The following P3H2 variants were observed in gnomAD, a reference collection of about 807,000 sequenced individuals.
P3H2 encodes prolyl 3-hydroxylase 2, also known as leprecan-like 1.
A neutral mutation model predicts 87.0 loss-of-function variants in P3H2; 80 were observed. The ratio of observed to expected loss-of-function variants is 0.92; its 90% CI spans 0.77 to 1.11. The LOEUF (loss-of-function observed/expected upper bound fraction) is 1.11, where lower values mean the gene tolerates loss of function less well. P3H2 is among the 50% of genes least tolerant of loss of function. The probability of loss-of-function intolerance (pLI) is 0.00; values close to 1 mark genes in which losing one functional copy is unlikely to be tolerated. For missense variants in P3H2, 1,001 were observed against 923.9 expected, an observed-to-expected ratio of 1.08 and a Z score of -1.08; for synonymous variants, 367 against 359.3, an observed-to-expected ratio of 1.02 and a Z score of -0.24.
chr3:189,982,788 T>C (rs1723576420), intron 8 of P3H2, among the ~76,000 whole-genome samples: 2 of 152,198 alleles, frequency 1.3e-5, no homozygotes, highest in Non-Finnish European at 2.9e-5. Flanking sequence ...ACCATGCAAG[T>C]TTCCTTGGGA....
chr3:190,045,515 AAG>A (rs1302898723), intron 1 of P3H2, among the ~76,000 whole-genome samples: 1 of 152,114 alleles, frequency 6.6e-6, no homozygotes, highest in Non-Finnish European at 1.5e-5. Flanking sequence ...GTATGACAGA[AAG>A]AGAGAGAGAC....
intron 1 of P3H2, among the ~76,000 whole-genome samples, chr3:190,049,922 T>C (rs1001081355): frequency 3.3e-5 from 5 of 152,212 alleles, no homozygotes; most frequent in African/African-American, 9.6e-5. Flanking sequence ...GCTTTCTTTA[T>C]TGTGGAACTT....
At chr3:189,985,112 C>A (rs1723648648) in intron 6 of P3H2, among the ~76,000 whole-genome samples, 1 of 151,542 alleles carries the variant, frequency 6.6e-6, no homozygotes. Context: ...TTAAAATTAA[C>A]CCATTTTAAA....
In P3H2 at chr3:190,066,184, T is replaced by C. The variant is rs559929062; in HGVS notation, c.480+54068A>G. ...ACACACACACACACACACACATATATACACACATATATATATGATGGAATA... is the reference window on the plus strand; with the variant it reads ...ACACACACACACACACACACATATACACACACATATATATATGATGGAATA... On this transcript the variant is annotated intron_variant, in intron 1 of 14. Transcript: ENST00000319332. 5.6e-4 allele frequency among the ~76,000 whole-genome samples: 75 copies of C among 134,510 alleles called. 1 individual carries two copies. The East Asian group carries it at 6.0e-3, about 11-fold the overall frequency. 88.2% of individuals were successfully genotyped at this position (134,510 alleles called of 152,430 possible). A position where few individuals can be genotyped will look rare whatever the true frequency, so the allele number is the denominator to read the frequency against.
At chr3:190,023,487 G>C (rs1486211207) in intron 1 of P3H2, among the ~76,000 whole-genome samples, 1 of 152,158 alleles carries the variant, frequency 6.6e-6, no homozygotes, top group African/African-American at 2.4e-5. Context: ...GCGGCAGGAA[G>C]GAGAAGTGCC....
Position 190,120,103 on chromosome 3 carries a change from A to C in P3H2, c.480+149T>G. The C allele has an allele frequency of 3.4e-6, 3 of 880,680 alleles. No homozygotes were observed. The South Asian group carries it at 4.8e-5, about 14-fold the overall frequency. The allele number at this position is 880,680 out of a possible 1,614,324, so 54.6% of individuals were successfully genotyped here. On this transcript the variant is annotated intron_variant, in intron 1 of 14. Coordinates refer to ENST00000319332, the MANE Select transcript of P3H2 (RefSeq NM_018192.4). ...AATTGTTGCATACAGAGATAGGGCC[A>C]CCAGATATCTGGATTCACAAACTGA...
Position 190,052,025 on chromosome 3 carries a change from A to G in P3H2, c.481-56583T>C, listed in dbSNP as rs192968414. ...AACACAATATCTTTCCTGGTAACGA[A>G]TATCCTCAAAAACAAAGAAAAAAGT... On this transcript the variant is annotated intron_variant, in intron 1 of 14. Transcript: ENST00000319332. 1.8e-3 allele frequency among the ~76,000 whole-genome samples: 275 copies of G among 152,338 alleles called. 2 individuals are homozygous for G. Among genetic ancestry groups the G allele is most frequent in the African/African-American group, 6.3e-3 (261 of 41,570 alleles).
intron 1 of P3H2, among the ~76,000 whole-genome samples, chr3:189,997,388 C>T (rs182965042): frequency 1.1e-4 from 16 of 152,260 alleles, no homozygotes; most frequent in Admixed American, 5.2e-4. Flanking sequence ...CTAAAATATG[C>T]TCAATCCATT....
chr3:189,966,127 GAAAGAAAGAAAGA>G (rs1722987939), intron 13 of P3H2, among the ~76,000 whole-genome samples: 4 of 34,498 alleles, frequency 1.2e-4, no homozygotes, highest in Non-Finnish European at 2.5e-4. Flanking sequence ...GAAAGAAAAA[GAAAGAAAGAAAGA>G]AAGAAAGAAA....
At chr3:190,002,560 C>A (rs1165276575) in intron 1 of P3H2, among the ~76,000 whole-genome samples, 3 of 151,998 alleles carry the variant, frequency 2.0e-5, no homozygotes, top group Non-Finnish European at 4.4e-5. Flanking sequence ...GCCAACACAC[C>A]CGGCTAATTT....
chr3:190,004,901 C>T (rs1724339980), intron 1 of P3H2, among the ~76,000 whole-genome samples: 1 of 152,114 alleles, frequency 6.6e-6, no homozygotes, highest in South Asian at 2.1e-4. Context: ...TAAAAGTCAG[C>T]TTCCTAATTG....
At chr3:190,002,083 T>C (rs1724233744) in intron 1 of P3H2, among the ~76,000 whole-genome samples, 1 of 152,192 alleles carries the variant, frequency 6.6e-6, no homozygotes, top group South Asian at 2.1e-4. Context: ...CATTTCTATA[T>C]AGCAGAGTCA....
chr3:190,098,368 T>C (rs1049984685), intron 1 of P3H2, among the ~76,000 whole-genome samples: 7 of 152,156 alleles, frequency 4.6e-5, no homozygotes, highest in Non-Finnish European at 1.0e-4. Context: ...AATAGGTTAA[T>C]CTCGTGCTAC....
chr3:189,966,831 A>G (rs1017380265), intron 13 of P3H2, among the ~76,000 whole-genome samples: 2 of 152,230 alleles, frequency 1.3e-5, no homozygotes, highest in Non-Finnish European at 2.9e-5. Flanking sequence ...ATTTAAAATA[A>G]TCCTTTTGCT....
intron 1 of P3H2, among the ~76,000 whole-genome samples, chr3:190,024,342 G>A (rs1725021598): frequency 6.6e-6 from 1 of 151,914 alleles, no homozygotes; most frequent in Non-Finnish European, 1.5e-5. Flanking sequence ...TTCGAGACCA[G>A]CGTGTCCAAT....
At chr3:190,041,914 C>T (rs956140937) in intron 1 of P3H2, among the ~76,000 whole-genome samples, 23 of 152,202 alleles carry the variant, frequency 1.5e-4, no homozygotes, top group Admixed American at 1.4e-3. Context: ...ATCACTTACC[C>T]AGTTTGTTTA....
intron 6 of P3H2, among the ~76,000 whole-genome samples, chr3:189,985,806 T>A (rs1458822615): frequency 6.6e-6 from 1 of 152,032 alleles, no homozygotes; most frequent in African/African-American, 2.4e-5. Flanking sequence ...ATAATTCAAA[T>A]GTTCAGCAGA....
At chr3:189,967,802 C>T (rs978857667) in intron 13 of P3H2, among the ~76,000 whole-genome samples, 2 of 152,124 alleles carry the variant, frequency 1.3e-5, no homozygotes, top group African/African-American at 2.4e-5. Context: ...TGTTTCTAGA[C>T]AATTTTAACG....
intron 1 of P3H2, among the ~76,000 whole-genome samples, chr3:190,034,841 T>C (rs1725366935): frequency 1.3e-5 from 1 of 76,326 alleles, no homozygotes; most frequent in Non-Finnish European, 2.6e-5. Flanking sequence ...GCTTTTTCTT[T>C]TCTTTTCTTT....
Sources: allele counts gnomAD v4.1 joint callset (sites outside exome capture counted in the v4.1 genomes callset), GRCh38; gene constraint gnomAD v4.1.1; transcripts MANE v1.5; gene names NCBI Gene and HGNC (gene_info 2026-07-23, HGNC 2026-07-21).